Variants in ARHGAP12 observed in about 807,000 individuals in gnomAD.
The protein encoded by ARHGAP12 is rho GTPase-activating protein 12.
In ARHGAP12, 64 loss-of-function variants were observed where a neutral mutation model predicts 108.6. The ratio of observed to expected loss-of-function variants is 0.59; its 90% CI spans 0.48 to 0.73. ARHGAP12 has a LOEUF of 0.73. Among genes scored for constraint, ARHGAP12 ranks in the 30% least tolerant of loss-of-function variants. ARHGAP12 has a pLI of 0.00. For missense variants in ARHGAP12, 940 were observed against 1,005.9 expected, an observed-to-expected ratio of 0.93 and a Z score of 0.89; for synonymous variants, 312 against 337.2, an observed-to-expected ratio of 0.93 and a Z score of 0.82.
intron 3 of ARHGAP12, among the ~76,000 whole-genome samples, chr10:31,871,912 C>A (rs1266717172): frequency 6.6e-6 from 1 of 152,166 alleles, no homozygotes; most frequent in East Asian, 1.9e-4. Context: ...CAAATTTCCC[C>A]TTCAAGATAG....
At chr10:31,864,850 C>T (rs540284955) in intron 3 of ARHGAP12, among the ~76,000 whole-genome samples, 2 of 152,184 alleles carry the variant, frequency 1.3e-5, no homozygotes, top group South Asian at 4.1e-4. Context: ...AACCTCGTAA[C>T]ATGGTAAAGG....
chr10:31,905,257 G>A (rs1361273246), intron 3 of ARHGAP12, among the ~76,000 whole-genome samples: 1 of 151,980 alleles, frequency 6.6e-6, no homozygotes, highest in Non-Finnish European at 1.5e-5. Context: ...AAATTTTGCG[G>A]GGTTTTTTGG....
rs375512577 is a variant in ARHGAP12 at position 31,859,062 on chromosome 10, G to A, written c.948+2333C>T. On this transcript the variant is annotated intron_variant, in intron 4 of 19. Coordinates refer to ENST00000344936, the MANE Select transcript of ARHGAP12 (RefSeq NM_018287.7). Reference sequence around the variant, plus strand: ...TCTCCTTCTACATACCTGGCTGCTAGGTGTGCAGCCCATCCCTACCCCAGC... The same window carrying A: ...TCTCCTTCTACATACCTGGCTGCTAAGTGTGCAGCCCATCCCTACCCCAGC... 2.0e-5 allele frequency among the ~76,000 whole-genome samples: 3 copies of A among 152,292 alleles called. No individual in the cohort carries two copies. The South Asian group carries it at 6.2e-4, about 32-fold the overall frequency.
chr10:31,871,763 G>GTATC (rs1837551339), intron 3 of ARHGAP12, among the ~76,000 whole-genome samples: 1 of 152,142 alleles, frequency 6.6e-6, no homozygotes, highest in Non-Finnish European at 1.5e-5. Context: ...TATCTAGACG[G>GTATC]TTGACAGAGA....
At chr10:31,879,906 CT>C (rs1301096380) in intron 3 of ARHGAP12, among the ~76,000 whole-genome samples, 2 of 152,148 alleles carry the variant, frequency 1.3e-5, no homozygotes, top group Admixed American at 6.5e-5. Flanking sequence ...CTGCAGGTAC[CT>C]TTAACTATGC....
At chr10:31,854,349 GA>G (rs1344947107) in intron 4 of ARHGAP12, 143 bp from the exon 5 acceptor site, 2 of 799,132 alleles carry the variant, frequency 2.5e-6, no homozygotes, top group Middle Eastern at 3.6e-4. Flanking sequence ...AAAATAAATT[GA>G]TAAGTCTTTA....
chr10:31,807,863 GA>G, intron 19 of ARHGAP12, 31 bp from the exon 20 acceptor site: 1 of 1,437,730 alleles, frequency 7.0e-7, no homozygotes, highest in Non-Finnish European at 9.3e-7. Flanking sequence ...TGTTAAAAGA[GA>G]AAATAAGAGA....
At chr10:31,866,166 G>C (rs1220165813) in intron 3 of ARHGAP12, among the ~76,000 whole-genome samples, 3 of 152,156 alleles carry the variant, frequency 2.0e-5, no homozygotes, top group Admixed American at 2.0e-4. Flanking sequence ...GGTCTACCAG[G>C]AAAGAATAGC....
intron 3 of ARHGAP12, among the ~76,000 whole-genome samples, chr10:31,902,431 A>T (rs1245181771): frequency 2.0e-5 from 3 of 151,990 alleles, no homozygotes; most frequent in Admixed American, 6.6e-5. Flanking sequence ...ATCCCAATAC[A>T]CTGGGAGGCT....
chr10:31,848,500 C>G (rs1836547847), intron 6 of ARHGAP12, among the ~76,000 whole-genome samples: 1 of 152,024 alleles, frequency 6.6e-6, no homozygotes, highest in Admixed American at 6.5e-5. Flanking sequence ...TTTGGAATTC[C>G]TAATACATGA....
At chr10:31,895,770 C>CTT (rs1838656960) in intron 3 of ARHGAP12, among the ~76,000 whole-genome samples, 1 of 152,162 alleles carries the variant, frequency 6.6e-6, no homozygotes, top group South Asian at 2.1e-4. Context: ...AATCATGCTG[C>CTT]TATAAAGACA....
chr10:31,895,874 T>C (rs1258064129), intron 3 of ARHGAP12, among the ~76,000 whole-genome samples: 1 of 152,010 alleles, frequency 6.6e-6, no homozygotes, highest in East Asian at 1.9e-4. Flanking sequence ...ATTAAGAAAA[T>C]GTGGCACATA....
At chr10:31,847,138 C>T (rs1453250162) in intron 6 of ARHGAP12, among the ~76,000 whole-genome samples, 1 of 151,958 alleles carries the variant, frequency 6.6e-6, no homozygotes, top group Non-Finnish European at 1.5e-5. Flanking sequence ...TTTATAATTG[C>T]TTGCTGTAGC....
intron 13 of ARHGAP12, among the ~76,000 whole-genome samples, chr10:31,815,966 A>G (rs565695269): frequency 1.3e-5 from 2 of 152,278 alleles, no homozygotes; most frequent in South Asian, 4.1e-4. Flanking sequence ...CCGGGACAAC[A>G]TGGTGAAACC....
At position 31,822,079 on chromosome 10, in the gene ARHGAP12, T is replaced by TA. The variant is rs536244200; in HGVS notation, c.1531-1592dup. 8.9e-3 allele frequency among the ~76,000 whole-genome samples: 1,305 copies of TA among 146,658 alleles called. 13 individuals are homozygous for TA. Among genetic ancestry groups the TA allele is most frequent in the South Asian group, 0.032 (147 of 4,638 alleles). ...AATACAATGACATGACATGGAATGC[T>TA]AAAAAAAAAAAATGCAATCAGTATA... On this transcript the variant is annotated intron_variant, in intron 11 of 19. Coordinates refer to ENST00000344936, the MANE Select transcript of ARHGAP12 (RefSeq NM_018287.7).
chr10:31,890,541 G>A (rs971099157), intron 3 of ARHGAP12, among the ~76,000 whole-genome samples: 8 of 152,232 alleles, frequency 5.3e-5, no homozygotes, highest in East Asian at 1.9e-4. Flanking sequence ...GGAAGTCTAC[G>A]GTAAGACTGG....
intron 3 of ARHGAP12, among the ~76,000 whole-genome samples, chr10:31,888,995 T>C (rs1564413851): frequency 6.6e-6 from 1 of 152,036 alleles, no homozygotes; most frequent in African/African-American, 2.4e-5. Flanking sequence ...CTGCAACCTC[T>C]GCCTCCCAGG....
intron 3 of ARHGAP12, among the ~76,000 whole-genome samples, chr10:31,899,722 C>T (rs1458401559): frequency 6.6e-6 from 1 of 151,984 alleles, no homozygotes; most frequent in Non-Finnish European, 1.5e-5. Flanking sequence ...AAAAAATTAA[C>T]TAAAAATGGA....
chr10:31,894,547 T>C (rs529826077), intron 3 of ARHGAP12, among the ~76,000 whole-genome samples: 22 of 152,298 alleles, frequency 1.4e-4, no homozygotes, highest in Admixed American at 1.0e-3. Flanking sequence ...ACAAGGGATG[T>C]GAAGGACCTC....
Sources: gnomAD v4.1 joint callset for allele counts (sites outside exome capture counted in the v4.1 genomes callset) on GRCh38, gnomAD v4.1.1 for gene constraint, MANE v1.5 for transcripts, NCBI Gene and HGNC (gene_info 2026-07-23, HGNC 2026-07-21) for gene names.